OXR1: variants seen among roughly 807,000 people sequenced by gnomAD.
OXR1 encodes oxidation resistance 1.
In OXR1, 41 loss-of-function variants were observed where a neutral mutation model predicts 104.6. The observed-to-expected ratio is 0.39, with a 90% CI of 0.31 to 0.51. The LOEUF is 0.51. Ranked by LOEUF, OXR1 falls within the 20% of genes least tolerant of loss-of-function variation. The probability of loss-of-function intolerance (pLI) is 0.77; values close to 1 mark genes in which losing one functional copy is unlikely to be tolerated. For missense variants in OXR1, 955 were observed against 1,031.9 expected, an observed-to-expected ratio of 0.93 and a Z score of 1.02; for synonymous variants, 348 against 348.4, an observed-to-expected ratio of 1.00 and a Z score of 0.01.
intron 3 of OXR1, among the ~76,000 whole-genome samples, chr8:106,605,632 TAAA>T (rs11347410): frequency 7.3e-5 from 9 of 123,454 alleles, no homozygotes; most frequent in Non-Finnish European, 8.4e-5. Context: ...CCGTCTCTAC[TAAA>T]AAAAAAAAAA....
chr8:106,407,092 T>C (rs1477811284), intron 2 of OXR1, among the ~76,000 whole-genome samples: 1 of 152,198 alleles, frequency 6.6e-6, no homozygotes, highest in African/African-American at 2.4e-5. Context: ...TAAAAGTATC[T>C]GGACTATGGA....
chr8:106,685,443 C>T (rs571701678), intron 6 of OXR1, among the ~76,000 whole-genome samples: 36 of 152,240 alleles, frequency 2.4e-4, no homozygotes, highest in African/African-American at 8.4e-4. Flanking sequence ...TGCCTGTCTA[C>T]TGGCTTTCTT....
chr8:106,680,840 T>C (rs1828078295), intron 4 of OXR1, among the ~76,000 whole-genome samples: 1 of 152,176 alleles, frequency 6.6e-6, no homozygotes, highest in Non-Finnish European at 1.5e-5. Context: ...CCTTCCACAA[T>C]TCCTGATTTT....
chr8:106,612,296 G>A (rs1417896420), intron 3 of OXR1, among the ~76,000 whole-genome samples: 1 of 152,040 alleles, frequency 6.6e-6, no homozygotes, highest in Non-Finnish European at 1.5e-5. Context: ...GTATATATAA[G>A]GCATATAGGT....
At chr8:106,277,091 T>C (rs935851509) in intron 1 of OXR1, among the ~76,000 whole-genome samples, 1 of 152,214 alleles carries the variant, frequency 6.6e-6, no homozygotes, top group African/African-American at 2.4e-5. Flanking sequence ...ACCTGTTGTA[T>C]GTTGTTCATT....
chr8:106,506,128 C>T (rs1812141391), intron 2 of OXR1, among the ~76,000 whole-genome samples: 1 of 152,112 alleles, frequency 6.6e-6, no homozygotes, highest in Non-Finnish European at 1.5e-5. Context: ...CTGTCATGAG[C>T]GACTGTGTAG....
At chr8:106,627,151 G>T (rs551344409) in intron 3 of OXR1, among the ~76,000 whole-genome samples, 1 of 152,132 alleles carries the variant, frequency 6.6e-6, no homozygotes, top group Non-Finnish European at 1.5e-5. Context: ...GGATAGAATA[G>T]TGATATTTCA....
chr8:106,356,738 A>AT (rs1008433522), intron 1 of OXR1, among the ~76,000 whole-genome samples: 1 of 88,186 alleles, frequency 1.1e-5, no homozygotes, highest in Non-Finnish European at 2.1e-5. Flanking sequence ...AAAAATAATA[A>AT]TAAAAAAAAA....
At chr8:106,713,435 CA>C (rs1175773260) in intron 10 of OXR1, among the ~76,000 whole-genome samples, 2 of 151,796 alleles carry the variant, frequency 1.3e-5, no homozygotes, top group African/African-American at 4.8e-5. Flanking sequence ...TATAATGTCT[CA>C]AAATAGGCCA....
chr8:106,347,263 T>A (rs930239132), intron 1 of OXR1, among the ~76,000 whole-genome samples: 1 of 152,242 alleles, frequency 6.6e-6, no homozygotes, highest in Non-Finnish European at 1.5e-5. Flanking sequence ...AAGAGTGACA[T>A]GCAGATTTCT....
At chr8:106,672,968 G>C (rs1395437044) in intron 3 of OXR1, among the ~76,000 whole-genome samples, 2 of 152,084 alleles carry the variant, frequency 1.3e-5, no homozygotes, top group Non-Finnish European at 2.9e-5. Flanking sequence ...ACCCAGTCTT[G>C]GGCAATTCTT....
intron 2 of OXR1, among the ~76,000 whole-genome samples, chr8:106,447,450 G>A (rs577437324): frequency 1.3e-5 from 2 of 152,212 alleles, no homozygotes; most frequent in South Asian, 4.2e-4. Context: ...ATGTAACCGT[G>A]GGCAAGTTCC....
chr8:106,364,447 G>A (rs901963284), intron 2 of OXR1, among the ~76,000 whole-genome samples: 2 of 151,980 alleles, frequency 1.3e-5, no homozygotes, highest in Non-Finnish European at 2.9e-5. Flanking sequence ...ATGGATGGTG[G>A]CGCACACCAG....
At chr8:106,619,330 A>T (rs1821501582) in intron 3 of OXR1, among the ~76,000 whole-genome samples, 1 of 152,190 alleles carries the variant, frequency 6.6e-6, no homozygotes, top group South Asian at 2.1e-4. Context: ...CAATTATTTC[A>T]TATCATAAGA....
intron 1 of OXR1, among the ~76,000 whole-genome samples, chr8:106,343,459 G>C (rs190392405): frequency 2.0e-5 from 3 of 152,276 alleles, no homozygotes; most frequent in African/African-American, 7.2e-5. Context: ...CCATTGTGTT[G>C]GTTTCAGTCT....
intron 2 of OXR1, among the ~76,000 whole-genome samples, chr8:106,448,346 T>C (rs1820116667): frequency 6.6e-6 from 1 of 152,212 alleles, no homozygotes; most frequent in South Asian, 2.1e-4. Context: ...TCTTCGTATT[T>C]TTAAATGCTG....
chr8:106,581,271 C>T (rs1453749736), intron 3 of OXR1: 1 of 1,280,102 alleles, frequency 7.8e-7, no homozygotes, highest in Admixed American at 2.3e-5. Context: ...TGAAATCATG[C>T]CTTTCTATTT....
At chr8:106,555,864 A>ATG (rs1195001425) in intron 3 of OXR1, among the ~76,000 whole-genome samples, 12 of 148,930 alleles carry the variant, frequency 8.1e-5, no homozygotes, top group Admixed American at 1.3e-4. Context: ...GTATATGTGT[A>ATG]TGTGTGTGTG....
In OXR1 at chr8:106,638,730, T is replaced by G. The variant is rs182123547; in HGVS notation, c.221-40480T>G. ...CAACATGGTGAAATCCCATCTCTAC[T>G]AAAACTACAAAAATTAGCTGGGCGT... On this transcript the variant is annotated intron_variant, in intron 3 of 16. Coordinates refer to ENST00000517566, the MANE Select transcript of OXR1 (RefSeq NM_001198533.2). Among the ~76,000 whole-genome samples the G allele has an allele frequency of 5.1e-3, 780 of 152,146 alleles. 11 individuals carry two copies. The highest frequency in any genetic ancestry group is 0.018 in the African/African-American group (731 of 41,504).
Sources: gnomAD v4.1 joint callset for allele counts (sites outside exome capture counted in the v4.1 genomes callset) on GRCh38, gnomAD v4.1.1 for gene constraint, MANE v1.5 for transcripts, NCBI Gene and HGNC (gene_info 2026-07-23, HGNC 2026-07-21) for gene names.